The following PCDHA5 variants were observed in gnomAD, a reference collection of about 807,000 sequenced individuals.
The protein encoded by PCDHA5 is protocadherin alpha-5.
A neutral mutation model predicts 61.6 loss-of-function variants in PCDHA5; 43 were observed. The ratio of observed to expected loss-of-function variants is 0.70; its 90% CI spans 0.55 to 0.90. The LOEUF (loss-of-function observed/expected upper bound fraction) is 0.90. Ranked by LOEUF, PCDHA5 falls within the 40% of genes least tolerant of loss-of-function variation. The pLI is 0.00. For synonymous variants in PCDHA5, 627 were observed against 543.9 expected (o/e 1.15, Z -2.13); for missense variants, 1,298 against 1,222.7 (o/e 1.06, Z -0.92).
Position 140,843,391 on chromosome 5 carries a change from A to G in PCDHA5, c.2352+19264A>G, listed in dbSNP as rs1554140017. On this transcript the variant is annotated intron_variant, in intron 1 of 3. Transcript: ENST00000529859. ...AGTCGGCTGGCGTTTTGGGTCCGGA[A>G]GCGGCGCTGGTGGATGTCAACGTGT... 7.5e-6 allele frequency: 12 copies of G among 1,596,022 alleles called. 1 individual carries two copies. The highest frequency in any genetic ancestry group is 8.6e-6 in the Non-Finnish European group (10 of 1,165,574).
chr5:140,964,380 C>T (rs891362271), intron 1 of PCDHA5, among the ~76,000 whole-genome samples: 9 of 152,120 alleles, frequency 5.9e-5, no homozygotes, highest in Non-Finnish European at 1.3e-4. Context: ...AAGGAGAGTC[C>T]TGGTTTTTCT....
chr5:140,900,563 C>G (rs1174778855), intron 1 of PCDHA5, among the ~76,000 whole-genome samples: 4 of 152,164 alleles, frequency 2.6e-5, no homozygotes, highest in Non-Finnish European at 5.9e-5. Flanking sequence ...AGGCGTGAGC[C>G]ACGGCACCGG....
chr5:141,009,992 C>G lies in PCDHA5; in HGVS notation c.*55C>G. 1 of 1,578,492 alleles carries G rather than the reference C, an allele frequency of 6.3e-7. No homozygotes were observed. On this transcript the variant is annotated 3_prime_UTR_variant, in exon 4 of 4. Transcript: ENST00000529859. ...CAGTTTTTGTAATAATGGCAAATCT[C>G]TCCCATGTAGCAATTCCCTGCTCCT...
rs1307872758 is a variant in PCDHA5, at chr5:140,858,559, T to A, written c.2352+34432T>A. The A allele has an allele frequency of 2.2e-6, 3 of 1,382,404 alleles. No homozygotes were observed. The African/African-American group carries it at 4.3e-5, about 20-fold the overall frequency. The allele number at this position is 1,382,404 out of a possible 1,614,324, so 85.6% of individuals were successfully genotyped here. On this transcript the variant is annotated intron_variant, in intron 1 of 3. Coordinates refer to ENST00000529859, the MANE Select transcript of PCDHA5 (RefSeq NM_018908.3). The stretch of plus-strand genomic sequence containing the variant: ...CTACATTCCATTTATGCTTGAATAT[T>A]TCTAGTGATACCTTTGTAATATAAT...
At chr5:140,885,736 C>T (rs1457106867) in intron 1 of PCDHA5, among the ~76,000 whole-genome samples, 1 of 152,060 alleles carries the variant, frequency 6.6e-6, no homozygotes, top group African/African-American at 2.4e-5. Context: ...AATGATATTT[C>T]ACTGTTACTT....
intron 1 of PCDHA5, chr5:140,859,356 A>T (rs1159666697): frequency 4.0e-6 from 1 of 251,742 alleles, no homozygotes; most frequent in African/African-American, 2.3e-5. Context: ...TACTGATCTG[A>T]TATATTGTAT....
chr5:140,915,876 G>A (rs1373834228), intron 1 of PCDHA5, among the ~76,000 whole-genome samples: 1 of 152,136 alleles, frequency 6.6e-6, no homozygotes, highest in East Asian at 1.9e-4. Context: ...CTTCCCTTTA[G>A]GGTAGCAAGT....
chr5:140,850,730 G>A lies in PCDHA5; in HGVS notation c.2352+26603G>A, dbSNP rs1439103901. The A allele has an allele frequency of 7.5e-6, 12 of 1,597,860 alleles. 2 individuals carry two copies. Among genetic ancestry groups the A allele is most frequent in the African/African-American group, 4.0e-5 (3 of 74,192 alleles). On this transcript the variant is annotated intron_variant, in intron 1 of 3. Transcript: ENST00000529859. The stretch of plus-strand genomic sequence containing the variant: ...CGACGCTGGTGTGTTCTAGCGCGGT[G>A]GGGAGTTGGTCGTACTCGCAGCAGA...
At chr5:140,878,110 AC>A (rs1554170303) in intron 1 of PCDHA5, 1 of 249,146 alleles carries the variant, frequency 4.0e-6, no homozygotes, top group African/African-American at 2.3e-5. Context: ...CTTGAAAAAA[AC>A]AGTATATTAG....
intron 1 of PCDHA5, among the ~76,000 whole-genome samples, chr5:140,879,621 T>G (rs1050176793): frequency 5.9e-5 from 9 of 152,076 alleles, no homozygotes; most frequent in African/African-American, 2.2e-4. Context: ...GGTACTTAGG[T>G]GGGTAAGTGT....
rs1479921830 is a variant in PCDHA5 at position 140,876,971 on chromosome 5, G to A, written c.2352+52844G>A. The A allele has an allele frequency of 1.9e-6, 3 of 1,612,696 alleles. No homozygotes were observed. In the African/African-American group the frequency reaches 4.0e-5, roughly 22 times the overall value. On this transcript the variant is annotated intron_variant, in intron 1 of 3. Coordinates refer to ENST00000529859, the MANE Select transcript of PCDHA5 (RefSeq NM_018908.3). ...TACTCGCTGGTGGAGCGGCGGGTGG[G>A]CGAGCACGCACTGTCGAGCTACGTG...
intron 3 of PCDHA5, among the ~76,000 whole-genome samples, chr5:140,996,592 C>T (rs2097733979): frequency 6.7e-6 from 1 of 149,052 alleles, no homozygotes; most frequent in African/African-American, 2.4e-5. Context: ...AGGGCCGCCT[C>T]CCCCCATTTT....
chr5:141,010,374 C>A lies in PCDHA5; in HGVS notation c.*437C>A. 2 of 1,459,768 alleles carry A rather than the reference C, an allele frequency of 1.4e-6. No homozygotes were observed. Among genetic ancestry groups the A allele is most frequent in the South Asian group, 1.4e-5 (1 of 73,044 alleles). 90.4% of individuals were successfully genotyped at this position (1,459,768 alleles called of 1,614,324 possible). On this transcript the variant is annotated 3_prime_UTR_variant, in exon 4 of 4. Coordinates refer to ENST00000529859, the MANE Select transcript of PCDHA5 (RefSeq NM_018908.3). ...TGTGGCTACCGCGGGTATGCGAGTG[C>A]CAGATATTGGCTGAGACGAGCCAGC...
chr5:140,998,594 T>A (rs1396456161), intron 3 of PCDHA5, among the ~76,000 whole-genome samples: 4 of 152,076 alleles, frequency 2.6e-5, no homozygotes, highest in Non-Finnish European at 5.9e-5. Context: ...GACAGAGTTT[T>A]GCTCTTGTTG....
In PCDHA5 at chr5:140,917,874, C is replaced by A. The variant is rs1240832097; in HGVS notation, c.2353-61075C>A. Among the ~76,000 whole-genome samples, 13 of 151,108 alleles carry A rather than the reference C, an allele frequency of 8.6e-5. No individual in the cohort carries two copies. In the East Asian group the frequency reaches 2.5e-3, roughly 29 times the overall value. ...CTTAGGATTGCTTTGACTATTTGGG[C>A]TCTTTTTTTTTTCCATATGAATGTT... On this transcript the variant is annotated intron_variant, in intron 1 of 3. Transcript: ENST00000529859.
chr5:140,988,957 C>G (rs2097322513), intron 3 of PCDHA5: 1 of 152,120 alleles, frequency 6.6e-6, no homozygotes. Context: ...TTCCTTCAAG[C>G]CCCACGATGG....
intron 1 of PCDHA5, among the ~76,000 whole-genome samples, chr5:140,960,137 T>C (rs2095528767): frequency 6.6e-6 from 1 of 152,232 alleles, no homozygotes; most frequent in African/African-American, 2.4e-5. Flanking sequence ...AATACTTAGA[T>C]ATTAATAGCT....
rs1417954039 is a variant in PCDHA5, at chr5:140,828,944, G to A, written c.2352+4817G>A. The A allele has an allele frequency of 3.7e-6, 6 of 1,614,124 alleles. No homozygotes were observed. In the African/African-American group the frequency reaches 4.0e-5, roughly 11 times the overall value. On this transcript the variant is annotated intron_variant, in intron 1 of 3. Transcript: ENST00000529859. ...AATTTCATATTCTTTTAATAGCCTT[G>A]TTGCAGCCATGGTTATTGACCACTT...
intron 1 of PCDHA5, chr5:140,857,005 A>C: frequency 6.3e-7 from 1 of 1,595,528 alleles, no homozygotes; most frequent in East Asian, 2.2e-5. Context: ...AAATTCATGT[A>C]GATGTTACAG....
Sources: allele counts gnomAD v4.1 joint callset (sites outside exome capture counted in the v4.1 genomes callset), GRCh38; gene constraint gnomAD v4.1.1; transcripts MANE v1.5; gene names NCBI Gene and HGNC (gene_info 2026-07-23, HGNC 2026-07-21).